HTT-AS: variants seen among roughly 807,000 people sequenced by gnomAD.
HTT-AS encodes HTT antisense RNA.
chr4:3,073,861 T>A (rs28431418), intron 1 of HTT-AS, among the ~76,000 whole-genome samples: 1 of 151,880 alleles, frequency 6.6e-6, no homozygotes, highest in Non-Finnish European at 1.5e-5. Context: ...TCCGGGTGAG[T>A]ATGGCTCTGG....
intron 2 of HTT-AS, among the ~76,000 whole-genome samples, chr4:3,057,036 TTTTTC>T (rs1711815301): frequency 1.7e-5 from 2 of 118,724 alleles, no homozygotes; most frequent in Admixed American, 9.7e-5. Flanking sequence ...TGGCTTTTTC[TTTTTC>T]TTTTTTTTTT....
intron 1 of HTT-AS, among the ~76,000 whole-genome samples, chr4:3,068,088 G>A (rs1422722784): frequency 3.3e-5 from 5 of 150,394 alleles, no homozygotes; most frequent in African/African-American, 1.3e-4. Context: ...GGTGGATCAC[G>A]AGGTCAGGAG....
At chr4:3,060,651 C>A (rs909911641) in intron 2 of HTT-AS, among the ~76,000 whole-genome samples, 2 of 152,194 alleles carry the variant, frequency 1.3e-5, no homozygotes, top group African/African-American at 4.8e-5. Flanking sequence ...TGCAGACATA[C>A]ACAAGCAAGC....
chr4:3,053,979 T>C (rs758115572), intron 2 of HTT-AS, among the ~76,000 whole-genome samples: 1 of 151,868 alleles, frequency 6.6e-6, no homozygotes, highest in Non-Finnish European at 1.5e-5. Context: ...AGGCTGGTCT[T>C]GAACTCCTGA....
exon 2 of HTT-AS, chr4:3,063,358 T>C (rs1711980698): frequency 6.6e-6 from 1 of 152,590 alleles, no homozygotes; most frequent in East Asian, 1.9e-4. Flanking sequence ...CTGGTTCTTG[T>C]AGGACGACAG....
intron 2 of HTT-AS, among the ~76,000 whole-genome samples, chr4:3,056,567 G>A (rs1311503014): frequency 1.3e-5 from 2 of 152,120 alleles, no homozygotes; most frequent in Non-Finnish European, 2.9e-5. Flanking sequence ...TCCTTCTCAG[G>A]CCATATTTAG....
chr4:3,073,267 C>A (rs1383762312), intron 1 of HTT-AS, among the ~76,000 whole-genome samples: 1 of 152,226 alleles, frequency 6.6e-6, no homozygotes, highest in Non-Finnish European at 1.5e-5. Context: ...CATCACCCCC[C>A]GGCTGGGCGG....
At chr4:3,047,286 G>C (rs1216570171), downstream of HTT-AS, among the ~76,000 whole-genome samples, 1 of 152,132 alleles carries the variant, frequency 6.6e-6, no homozygotes, top group Admixed American at 6.5e-5. Context: ...CCTCCAGCCT[G>C]GGTGACAGAG....
At chr4:3,060,263 A>G (rs1476741563) in intron 2 of HTT-AS, among the ~76,000 whole-genome samples, 1 of 152,018 alleles carries the variant, frequency 6.6e-6, no homozygotes, top group Non-Finnish European at 1.5e-5. Context: ...TGTCTCTTCA[A>G]TCTTTCCTCA....
intron 1 of HTT-AS, among the ~76,000 whole-genome samples, chr4:3,068,612 C>A (rs1339643429): frequency 6.6e-6 from 1 of 150,830 alleles, no homozygotes; most frequent in Non-Finnish European, 1.5e-5. Flanking sequence ...TGCTCTACAA[C>A]TGTTGTGTCT....
At chr4:3,070,180 A>T (rs1712138547) in intron 1 of HTT-AS, 1 of 152,218 alleles carries the variant, frequency 6.6e-6, no homozygotes, top group Non-Finnish European at 1.5e-5. Flanking sequence ...ATTGCTGAAA[A>T]TTTGAAAAAT....
intron 2 of HTT-AS, among the ~76,000 whole-genome samples, chr4:3,057,321 C>CCG (rs1483367743): frequency 1.6e-4 from 24 of 152,076 alleles, no homozygotes; most frequent in African/African-American, 5.8e-4. Flanking sequence ...GCGTGAGCCA[C>CCG]TGCACCCCAC....
At chr4:3,053,471 T>C (rs1199203745) in intron 2 of HTT-AS, among the ~76,000 whole-genome samples, 1 of 152,176 alleles carries the variant, frequency 6.6e-6, no homozygotes, top group East Asian at 1.9e-4. Context: ...AGGTGGAGGT[T>C]GCCCTGAGCC....
intron 1 of HTT-AS, among the ~76,000 whole-genome samples, chr4:3,065,402 G>A (rs879626198): frequency 1.6e-4 from 24 of 150,614 alleles, no homozygotes; most frequent in Non-Finnish European, 3.4e-4. Flanking sequence ...CACCATGCCC[G>A]GCTAATTTTT....
chr4:3,072,550 G>A (rs1712199678), intron 1 of HTT-AS, among the ~76,000 whole-genome samples: 1 of 152,202 alleles, frequency 6.6e-6, no homozygotes, highest in South Asian at 2.1e-4. Context: ...TTATGAGTCT[G>A]CCCACTGAGG....
chr4:3,062,730 A>G (rs1396106510), exon 2 of HTT-AS, among the ~76,000 whole-genome samples: 1 of 151,886 alleles, frequency 6.6e-6, no homozygotes, highest in African/African-American at 2.4e-5. Context: ...TTATCATTAG[A>G]ACAGACTCTT....
At chr4:3,073,057 T>C (rs984664055) in intron 1 of HTT-AS, among the ~76,000 whole-genome samples, 3 of 152,342 alleles carry the variant, frequency 2.0e-5, no homozygotes, top group Non-Finnish European at 4.4e-5. Context: ...TCCCAAGAAC[T>C]GGGAACTAAC....
intron 2 of HTT-AS, among the ~76,000 whole-genome samples, chr4:3,061,216 T>C (rs1311384784): frequency 6.6e-6 from 1 of 152,218 alleles, no homozygotes; most frequent in Non-Finnish European, 1.5e-5. Context: ...CTTGGTTTTA[T>C]ACATTTTAGG....
chr4:3,058,220 G>A (rs1711846630), intron 2 of HTT-AS, among the ~76,000 whole-genome samples: 1 of 152,026 alleles, frequency 6.6e-6, no homozygotes, highest in Admixed American at 6.6e-5. Context: ...CAGCTACTCG[G>A]GAGGCTGAGG....
Sources: gnomAD v4.1 joint callset for allele counts (sites outside exome capture counted in the v4.1 genomes callset) on GRCh38, gnomAD v4.1.1 for gene constraint, MANE v1.5 for transcripts, NCBI Gene and HGNC (gene_info 2026-07-23, HGNC 2026-07-21) for gene names.